FLRT1: variants seen among roughly 807,000 people sequenced by gnomAD.
FLRT1 encodes fibronectin leucine rich transmembrane protein 1.
Under a neutral mutation model 30.9 loss-of-function variants are expected in FLRT1, and 14 were observed. The observed-to-expected ratio is 0.45, with a 90% CI of 0.30 to 0.71. The LOEUF (loss-of-function observed/expected upper bound fraction) is 0.71, where lower values mean the gene tolerates loss of function less well. FLRT1 is among the 30% of genes least tolerant of loss of function. The pLI is 0.08. For missense variants in FLRT1, 737 were observed against 949.2 expected (o/e 0.78, Z 2.94); for synonymous variants, 368 against 430.4 (o/e 0.85, Z 1.80).
At chr11:64,084,117 G>A (rs532418821) in intron 1 of FLRT1, among the ~76,000 whole-genome samples, 2 of 152,330 alleles carry the variant, frequency 1.3e-5, no homozygotes, top group East Asian at 3.9e-4. Context: ...ATCTATGAGC[G>A]TGTGCGTGTA....
intron 1 of FLRT1, among the ~76,000 whole-genome samples, chr11:64,074,902 TG>T (rs1944175154): frequency 2.6e-5 from 4 of 152,330 alleles, no homozygotes; most frequent in Non-Finnish European, 4.4e-5. Context: ...GGGAGCCTCC[TG>T]CAGGGTCAGG....
chr11:64,036,175 C>G lies in FLRT1; in HGVS notation c.-1038+16C>G, dbSNP rs112140372. 1 of 152,142 alleles carries G rather than the reference C, an allele frequency of 6.6e-6. No homozygotes were observed. The highest frequency in any genetic ancestry group is 6.6e-5 in the Admixed American group (1 of 15,266). 9.4% of individuals were successfully genotyped at this position (152,142 alleles called of 1,614,324 possible). ...CGCTGCGCAGGTAGGGCTGGCTGCA[C>G]CGGGCGGGGGTCGGGGTCCGCGCGT... On this transcript the variant is annotated intron_variant, in intron 1 of 2. Coordinates refer to ENST00000682287, the MANE Select transcript of FLRT1 (RefSeq NM_013280.5). The surrounding 1 kb of genome is among the most constrained non-coding windows in gnomAD (Gnocchi z 5.6).
chr11:64,071,962 A>G (rs1440367718), intron 1 of FLRT1, among the ~76,000 whole-genome samples: 1 of 152,222 alleles, frequency 6.6e-6, no homozygotes, highest in Non-Finnish European at 1.5e-5. Context: ...GAGAGGCCTC[A>G]GCTGCCGAGG....
At chr11:64,101,692 C>T (rs1420987565) in intron 1 of FLRT1, among the ~76,000 whole-genome samples, 4 of 152,178 alleles carry the variant, frequency 2.6e-5, no homozygotes, top group African/African-American at 4.8e-5. Flanking sequence ...TAGAGCCGGC[C>T]GCCCTCCCGC....
At chr11:64,068,451 T>C (rs1217960185) in intron 1 of FLRT1, among the ~76,000 whole-genome samples, 3 of 152,034 alleles carry the variant, frequency 2.0e-5, no homozygotes, top group Non-Finnish European at 4.4e-5. Context: ...AATAAAAGAG[T>C]CTGGGCACGG....
rs575523520 is a variant in FLRT1, at chr11:64,082,797, T to C, written c.-1037-20397T>C. The stretch of plus-strand genomic sequence containing the variant: ...ACCCCTGAAAGTCACCTGCTCCCAT[T>C]TCCCCTGTTTCCCTCAGCTCAGACA... On this transcript the variant is annotated intron_variant, in intron 1 of 2. Transcript: ENST00000682287. The surrounding 1 kb of genome is among the most constrained non-coding windows in gnomAD (Gnocchi z 4.5). Among the ~76,000 whole-genome samples, 4 of 152,240 alleles carry C rather than the reference T, an allele frequency of 2.6e-5. No homozygotes were observed. The highest frequency in any genetic ancestry group is 4.4e-5 in the Non-Finnish European group (3 of 68,008).
At chr11:64,093,215 G>A (rs575610269) in intron 1 of FLRT1, among the ~76,000 whole-genome samples, 46 of 152,314 alleles carry the variant, frequency 3.0e-4, no homozygotes, top group African/African-American at 8.9e-4. Context: ...AACACAGGGC[G>A]GCCACTACTG....
At chr11:64,087,362 C>T (rs1222922510) in intron 1 of FLRT1, among the ~76,000 whole-genome samples, 1 of 152,160 alleles carries the variant, frequency 6.6e-6, no homozygotes, top group Non-Finnish European at 1.5e-5. Flanking sequence ...CCCTGCCACC[C>T]CTGCCACGGC....
rs1001536118 is a variant in FLRT1, at chr11:64,090,869, C to T, written c.-1037-12325C>T. Among the ~76,000 whole-genome samples the T allele has an allele frequency of 3.3e-5, 5 of 152,072 alleles. No homozygotes were observed. The highest frequency in any genetic ancestry group is 2.1e-4 in the South Asian group (1 of 4,812). ...TGCACTCCCAGGGAGCCCTGAGGGA[C>T]GAAGTAAAGCAGGAGAGGGCAGGGG... is the stretch of plus-strand genomic sequence containing the variant. On this transcript the variant is annotated intron_variant, in intron 1 of 2. Transcript: ENST00000682287. The surrounding 1 kb of genome is among the most constrained non-coding windows in gnomAD (Gnocchi z 4.7).
intron 1 of FLRT1, among the ~76,000 whole-genome samples, chr11:64,084,222 C>T (rs1944354191): frequency 6.6e-6 from 1 of 152,048 alleles, no homozygotes; most frequent in African/African-American, 2.4e-5. Flanking sequence ...AGGCCTGGGG[C>T]AAAGCAGTGA....
intron 1 of FLRT1, among the ~76,000 whole-genome samples, chr11:64,057,804 C>T (rs954988827): frequency 1.3e-5 from 2 of 152,226 alleles, no homozygotes; most frequent in African/African-American, 2.4e-5. Context: ...TGGTGCTGGG[C>T]ATGTTCGCGG....
At position 64,057,135 on chromosome 11, in the gene FLRT1, C is replaced by T. The variant is rs138373439; in HGVS notation, c.-1038+20976C>T. ...TGTTCATCGGCTCCCTAAGTGCTTG[C>T]TGGACCCGGGTGCCCCTGTGCCACT... On this transcript the variant is annotated intron_variant, in intron 1 of 2. Coordinates refer to ENST00000682287, the MANE Select transcript of FLRT1 (RefSeq NM_013280.5). 4.1e-3 allele frequency among the ~76,000 whole-genome samples: 625 copies of T among 152,354 alleles called. 4 individuals are homozygous for T. The highest frequency in any genetic ancestry group is 0.012 in the African/African-American group (506 of 41,598).
chr11:64,089,361 C>T (rs902974170), intron 1 of FLRT1, among the ~76,000 whole-genome samples: 12 of 152,146 alleles, frequency 7.9e-5, no homozygotes, highest in Admixed American at 6.5e-4. Context: ...AAATAGGGCC[C>T]GCAAGTCCCC....
chr11:64,108,777 G>C (rs1260298880), intron 2 of FLRT1, among the ~76,000 whole-genome samples: 1 of 152,234 alleles, frequency 6.6e-6, no homozygotes, highest in Non-Finnish European at 1.5e-5. Flanking sequence ...ATTGCTGAAG[G>C]GAGGGACTGG....
At chr11:64,049,671 G>C (rs1943653760) in intron 1 of FLRT1, among the ~76,000 whole-genome samples, 1 of 152,234 alleles carries the variant, frequency 6.6e-6, no homozygotes, top group Admixed American at 6.5e-5. Flanking sequence ...TGGGGGTGCA[G>C]ACAGACAGCT....
chr11:64,041,198 G>GT (rs1943477837), intron 1 of FLRT1, among the ~76,000 whole-genome samples: 1 of 18,958 alleles, frequency 5.3e-5, no homozygotes, highest in Non-Finnish European at 8.2e-5. Flanking sequence ...TTAGCAAACT[G>GT]TAAAAAAAAA....
At chr11:64,059,379 C>G (rs947285530) in intron 1 of FLRT1, among the ~76,000 whole-genome samples, 4 of 152,176 alleles carry the variant, frequency 2.6e-5, no homozygotes, top group Non-Finnish European at 4.4e-5. Context: ...CGCAGCCCAG[C>G]AGGCTGCCCT....
chr11:64,102,932 G>T (rs1186784570), intron 1 of FLRT1, among the ~76,000 whole-genome samples: 1 of 152,134 alleles, frequency 6.6e-6, no homozygotes, highest in Non-Finnish European at 1.5e-5. Flanking sequence ...TTAGCCGGGT[G>T]TGGTGGCTCA....
chr11:64,045,183 C>G (rs1185474813), intron 1 of FLRT1, among the ~76,000 whole-genome samples: 23 of 151,952 alleles, frequency 1.5e-4, no homozygotes, highest in Admixed American at 1.5e-3. Context: ...AGCAGGTGGC[C>G]CAGCTGGGCC....
Sources: allele counts gnomAD v4.1 joint callset (sites outside exome capture counted in the v4.1 genomes callset), GRCh38; gene constraint gnomAD v4.1.1; non-coding constraint Gnocchi (gnomAD v3.1); transcripts MANE v1.5; gene names NCBI Gene and HGNC (gene_info 2026-07-23, HGNC 2026-07-21).